Variants in ATP2A3 observed in about 807,000 individuals in gnomAD.
The protein encoded by ATP2A3 is sarcoplasmic/endoplasmic reticulum calcium ATPase 3.
In ATP2A3, 61 loss-of-function variants were observed where a neutral mutation model predicts 106.8. The observed-to-expected ratio is 0.57, with a 90% CI of 0.46 to 0.71. ATP2A3 has a LOEUF of 0.71. Among genes scored for constraint, ATP2A3 ranks in the 30% least tolerant of loss-of-function variants. The pLI is 0.00. For synonymous variants in ATP2A3, 611 were observed against 609.3 expected (o/e 1.00, Z -0.04); for missense variants, 1,201 against 1,423.5 (o/e 0.84, Z 2.52).
intron 4 of ATP2A3, 35 bp downstream of exon 4, chr17:3,951,546 G>GCCCCCCCC: frequency 7.6e-6 from 10 of 1,319,562 alleles, no homozygotes; most frequent in South Asian, 1.3e-5. Flanking sequence ...CTGGGAGACC[G>GCCCCCCCC]CCCCCCGCCC....
At chr17:3,927,727 G>C in intron 20 of ATP2A3, 1 of 984,444 alleles carries the variant, frequency 1.0e-6, no homozygotes, top group African/African-American at 1.8e-5. Context: ...CCTCGAGTGA[G>C]CCCCTACATG....
In ATP2A3 at chr17:3,955,257, G is replaced by T. The variant is rs2054706680; in HGVS notation, c.119-1547C>A. On this transcript the variant is annotated intron_variant, in intron 1 of 20. Coordinates refer to ENST00000397041, the MANE Select transcript of ATP2A3 (RefSeq NM_005173.4). This position sits in a 1 kb window ranked among gnomAD's most constrained non-coding sequence, Gnocchi z 4.2. ...TCCTTGCATTGGTCCACCTGTTTTT[G>T]GCCTACAGGCATTTTTTTTTCCTAC... 2.6e-5 allele frequency among the ~76,000 whole-genome samples: 4 copies of T among 152,128 alleles called. No individual in the cohort carries two copies. The highest frequency in any genetic ancestry group is 2.6e-4 in the Admixed American group (4 of 15,272).
chr17:3,948,687 G>C (rs963336687), intron 7 of ATP2A3, among the ~76,000 whole-genome samples: 1 of 152,126 alleles, frequency 6.6e-6, no homozygotes, highest in Non-Finnish European at 1.5e-5. Flanking sequence ...CCAAAGTGCT[G>C]GGATTATAGG....
chr17:3,935,535 CTTTTT>C (rs10668980), intron 16 of ATP2A3, among the ~76,000 whole-genome samples: 3 of 114,038 alleles, frequency 2.6e-5, no homozygotes, highest in African/African-American at 1.0e-4. Context: ...CCTGTTGAGA[CTTTTT>C]TTTTTTTTTT....
chr17:3,963,155 G>A (rs545618141), intron 1 of ATP2A3, among the ~76,000 whole-genome samples: 1 of 152,334 alleles, frequency 6.6e-6, no homozygotes, highest in South Asian at 2.1e-4. Flanking sequence ...AGCTAGCCCT[G>A]AGTAGTAGGA....
In ATP2A3 at chr17:3,958,717, T is replaced by TATAC. The variant is rs1158361946; in HGVS notation, c.119-5008_119-5007insGTAT. 1.7e-3 allele frequency among the ~76,000 whole-genome samples: 159 copies of TATAC among 95,836 alleles called. 5 individuals carry two copies. Among genetic ancestry groups the TATAC allele is most frequent in the Admixed American group, 3.5e-3 (31 of 8,824 alleles). The allele number at this position is 95,836 out of a possible 152,430, so 62.9% of individuals were successfully genotyped here. A position where few individuals can be genotyped will look rare whatever the true frequency, so the allele number is the denominator to read the frequency against. On this transcript the variant is annotated intron_variant, in intron 1 of 20. Transcript: ENST00000397041. ...CTCCTCATTCATATATATATATATATACACATATATATACACATATATATA... is the reference window on the plus strand; with the variant it reads ...CTCCTCATTCATATATATATATATATATACACACATATATATACACATATATATA...
Position 3,929,270 on chromosome 17 carries a change from C to A in ATP2A3, c.2862+58G>T. On this transcript the variant is annotated intron_variant, in intron 19 of 20. Coordinates refer to ENST00000397041, the MANE Select transcript of ATP2A3 (RefSeq NM_005173.4). The surrounding 1 kb of genome is among the most constrained non-coding windows in gnomAD (Gnocchi z 4.3). Reference sequence around the variant, plus strand: ...AGGGGGGCCAGAGAGGTCCAGTGACCAGCCCAGGGCCTGTGATGTCCAGGG... The same window carrying A: ...AGGGGGGCCAGAGAGGTCCAGTGACAAGCCCAGGGCCTGTGATGTCCAGGG... 1 of 1,449,838 alleles carries A rather than the reference C, an allele frequency of 6.9e-7. No homozygotes were observed. The highest frequency in any genetic ancestry group is 9.4e-7 in the Non-Finnish European group (1 of 1,060,214). The allele number at this position is 1,449,838 out of a possible 1,614,324, so 89.8% of individuals were successfully genotyped here. A position where few individuals can be genotyped will look rare whatever the true frequency, so the allele number is the denominator to read the frequency against.
chr17:3,961,430 G>A (rs1057508563), intron 1 of ATP2A3, among the ~76,000 whole-genome samples: 1 of 151,770 alleles, frequency 6.6e-6, no homozygotes, highest in Non-Finnish European at 1.5e-5. Context: ...TTATGTGTGA[G>A]TGGAGGGGGT....
At chr17:3,963,822 A>T (rs917241893) in intron 1 of ATP2A3, among the ~76,000 whole-genome samples, 2 of 152,146 alleles carry the variant, frequency 1.3e-5, no homozygotes, top group African/African-American at 2.4e-5. Context: ...CACCTGCAGG[A>T]TGCCAGCGGG....
intron 1 of ATP2A3, 24 bp downstream of exon 1, chr17:3,964,150 G>A: frequency 9.1e-7 from 1 of 1,099,278 alleles, no homozygotes; most frequent in Non-Finnish European, 1.1e-6. Context: ...CCGCTCCCCG[G>A]CCCGGCCCGG....
rs912648720 is a variant in ATP2A3 at position 3,953,801 on chromosome 17, C to A, written c.119-91G>T. ...TCGGGGGAGTCTGGCAGTGCCTCCC[C>A]ACCGTGCCCGCCCAGACCCCCACCA... On this transcript the variant is annotated intron_variant, in intron 1 of 20. Coordinates refer to ENST00000397041, the MANE Select transcript of ATP2A3 (RefSeq NM_005173.4). This position sits in a 1 kb window ranked among gnomAD's most constrained non-coding sequence, Gnocchi z 5.1. 2 of 1,403,242 alleles carry A rather than the reference C, an allele frequency of 1.4e-6. No individual in the cohort carries two copies. Among genetic ancestry groups the A allele is most frequent in the South Asian group, 2.5e-5 (2 of 80,892 alleles). 86.9% of individuals were successfully genotyped at this position (1,403,242 alleles called of 1,614,324 possible). A position where few individuals can be genotyped will look rare whatever the true frequency, so the allele number is the denominator to read the frequency against.
intron 1 of ATP2A3, among the ~76,000 whole-genome samples, chr17:3,956,178 G>A (rs1399079970): frequency 6.6e-6 from 1 of 152,070 alleles, no homozygotes; most frequent in Admixed American, 6.6e-5. Flanking sequence ...CACCGCGCCC[G>A]GCTCAGTTCA....
In ATP2A3 at chr17:3,930,682, A is replaced by G; in HGVS notation, c.2611-248T>C. 3 of 589,422 alleles carry G rather than the reference A, an allele frequency of 5.1e-6. No individual in the cohort carries two copies. The highest frequency in any genetic ancestry group is 3.0e-5 in the East Asian group (1 of 33,484). 36.5% of individuals were successfully genotyped at this position (589,422 alleles called of 1,614,324 possible). A position where few individuals can be genotyped will look rare whatever the true frequency, so the allele number is the denominator to read the frequency against. On this transcript the variant is annotated intron_variant, in intron 17 of 20. Coordinates refer to ENST00000397041, the MANE Select transcript of ATP2A3 (RefSeq NM_005173.4). This position sits in a 1 kb window ranked among gnomAD's most constrained non-coding sequence, Gnocchi z 5.4. ...GGCAGACGTTCTGGAGCAGGAGTGC[A>G]GCGGCTCAGAAGGAGAACAGCTGGC...
rs772478788 is a variant in ATP2A3 at position 3,928,029 on chromosome 17, G to A, written c.2980+634C>T. 4 of 1,614,062 alleles carry A rather than the reference G, an allele frequency of 2.5e-6. No individual in the cohort carries two copies. The highest frequency in any genetic ancestry group is 2.5e-6 in the Non-Finnish European group (3 of 1,180,022). On this transcript the variant is annotated intron_variant, in intron 20 of 20. Transcript: ENST00000397041. The surrounding 1 kb of genome is among the most constrained non-coding windows in gnomAD (Gnocchi z 6.1). ...AGCTCTGACAGCGAGACGATGCTGTGTCCCTGGCCCTTGGAAGTTCAGAAT... is the reference window on the plus strand; with the variant it reads ...AGCTCTGACAGCGAGACGATGCTGTATCCCTGGCCCTTGGAAGTTCAGAAT...
intron 15 of ATP2A3, chr17:3,937,194 T>A (rs1055987728): frequency 1.7e-5 from 10 of 592,084 alleles, no homozygotes; most frequent in African/African-American, 1.7e-4. Context: ...GGCACCTCCG[T>A]GGGTGCTGGG....
intron 1 of ATP2A3, 54 bp downstream of exon 1, chr17:3,964,120 G>C (rs2055298402): frequency 4.0e-6 from 4 of 997,568 alleles, no homozygotes; most frequent in Non-Finnish European, 3.7e-6. Context: ...GGGAAACTGA[G>C]ACTGCGGCGC....
chr17:3,940,800 G>A (rs529062647), intron 14 of ATP2A3, among the ~76,000 whole-genome samples, 171 bp downstream of exon 14: 12 of 152,312 alleles, frequency 7.9e-5, no homozygotes, highest in Non-Finnish European at 1.3e-4. Flanking sequence ...GAGCCACCGC[G>A]CCTGGCCCAG....
rs2052658251 is a variant in ATP2A3, at chr17:3,925,533, C to T, written c.2981-92G>A. The T allele has an allele frequency of 6.8e-7, 1 of 1,478,062 alleles. No individual in the cohort carries two copies. Among genetic ancestry groups the T allele is most frequent in the South Asian group, 1.2e-5 (1 of 83,132 alleles). 91.6% of individuals were successfully genotyped at this position (1,478,062 alleles called of 1,614,324 possible). On this transcript the variant is annotated intron_variant, in intron 20 of 20. Transcript: ENST00000397041. This position sits in a 1 kb window ranked among gnomAD's most constrained non-coding sequence, Gnocchi z 4.2. ...CCAGCCCCTTCCATCCTCCACTTCT[C>T]CCAGGACAGCCCCAGGCTCCCAAGG...
At position 3,930,589 on chromosome 17, in the gene ATP2A3, G is replaced by A; in HGVS notation, c.2611-155C>T. On this transcript the variant is annotated intron_variant, in intron 17 of 20. Transcript: ENST00000397041. This position sits in a 1 kb window ranked among gnomAD's most constrained non-coding sequence, Gnocchi z 5.4. ...GTGGGCTGGGGATCCCGGGAGGGGT[G>A]CGGGGTCGGGGCGGCGGTGGGGAGA... The A allele has an allele frequency of 1.8e-6, 2 of 1,120,176 alleles. No homozygotes were observed. The highest frequency in any genetic ancestry group is 1.4e-5 in the South Asian group (1 of 73,014). The allele number at this position is 1,120,176 out of a possible 1,614,324, so 69.4% of individuals were successfully genotyped here.
Sources: allele counts gnomAD v4.1 joint callset (sites outside exome capture counted in the v4.1 genomes callset), GRCh38; gene constraint gnomAD v4.1.1; non-coding constraint Gnocchi (gnomAD v3.1); transcripts MANE v1.5; gene names NCBI Gene and HGNC (gene_info 2026-07-23, HGNC 2026-07-21).